Variants in PPM1H observed in about 807,000 individuals in gnomAD.
PPM1H encodes protein phosphatase, Mg2+/Mn2+ dependent 1H.
A neutral mutation model predicts 54.9 loss-of-function variants in PPM1H; 27 were observed. That is an observed-to-expected ratio of 0.49 (90% CI 0.36 to 0.68). The LOEUF is 0.68. Ranked by LOEUF, PPM1H falls within the 30% of genes least tolerant of loss-of-function variation. PPM1H has a pLI of 0.00. For synonymous variants in PPM1H, 305 were observed against 270.8 expected (o/e 1.13, Z -1.24); for missense variants, 596 against 667.8 (o/e 0.89, Z 1.19).
chr12:62,687,726 A>G (rs1335499868), intron 8 of PPM1H, among the ~76,000 whole-genome samples: 4 of 152,142 alleles, frequency 2.6e-5, no homozygotes, highest in Non-Finnish European at 4.4e-5. Context: ...GCTTAATTAC[A>G]GGCAAGCCGC....
intron 1 of PPM1H, among the ~76,000 whole-genome samples, chr12:62,926,833 A>T (rs1382007908): frequency 6.6e-6 from 1 of 152,126 alleles, no homozygotes; most frequent in Non-Finnish European, 1.5e-5. Context: ...GCATGCCTGT[A>T]ATCCCAGCTA....
chr12:62,870,608 C>G (rs530111949), intron 1 of PPM1H, among the ~76,000 whole-genome samples: 9 of 152,282 alleles, frequency 5.9e-5, no homozygotes, highest in Middle Eastern at 3.4e-3. Context: ...AAAGAAGATT[C>G]TCTGGTTTCT....
At chr12:62,728,523 G>C (rs867342772) in intron 5 of PPM1H, among the ~76,000 whole-genome samples, 3 of 152,290 alleles carry the variant, frequency 2.0e-5, no homozygotes, top group African/African-American at 7.2e-5. Flanking sequence ...AAGTCTCTGA[G>C]TACCCTGAAG....
At chr12:62,927,742 G>A (rs983677926) in intron 1 of PPM1H, among the ~76,000 whole-genome samples, 8 of 151,372 alleles carry the variant, frequency 5.3e-5, no homozygotes, top group Non-Finnish European at 8.8e-5. Context: ...CTTAAGTGAA[G>A]GAGACATGTT....
chr12:62,848,389 A>G (rs1173041465), intron 1 of PPM1H, among the ~76,000 whole-genome samples: 1 of 152,208 alleles, frequency 6.6e-6, no homozygotes, highest in African/African-American at 2.4e-5. Flanking sequence ...TTATTAAACC[A>G]CAACTTAATA....
At chr12:62,904,531 G>A (rs537846052) in intron 1 of PPM1H, among the ~76,000 whole-genome samples, 59 of 152,210 alleles carry the variant, frequency 3.9e-4, no homozygotes, top group Non-Finnish European at 6.5e-4. Flanking sequence ...TGCACCCGAC[G>A]GCTTCATGGG....
intron 1 of PPM1H, among the ~76,000 whole-genome samples, chr12:62,838,672 A>G (rs899337993): frequency 9.7e-6 from 1 of 102,622 alleles, no homozygotes; most frequent in Non-Finnish European, 2.0e-5. Context: ...CTGTAATCCC[A>G]GCACTTTGGG....
chr12:62,692,934 C>CACACAA (rs915917504), intron 7 of PPM1H, among the ~76,000 whole-genome samples: 1 of 131,202 alleles, frequency 7.6e-6, no homozygotes, highest in Non-Finnish European at 1.6e-5. Flanking sequence ...TTTGCTCTGA[C>CACACAA]ACACACACAC....
intron 4 of PPM1H, chr12:62,755,686 A>C (rs1387099249): frequency 7.0e-5 from 47 of 670,680 alleles, no homozygotes; most frequent in Non-Finnish European, 9.4e-5. Context: ...CTGTATCACC[A>C]ACTGCTTAGT....
Position 62,648,702 on chromosome 12 carries a change from G to C in PPM1H, c.1398-66C>G, listed in dbSNP as rs116016532. 1.2e-3 allele frequency: 1,867 copies of C among 1,532,744 alleles called. 22 individuals carry two copies. The African/African-American group carries it at 0.022, about 18-fold the overall frequency. 94.9% of individuals were successfully genotyped at this position (1,532,744 alleles called of 1,614,324 possible). On this transcript the variant is annotated intron_variant, in intron 9 of 9. Coordinates refer to ENST00000228705, the MANE Select transcript of PPM1H (RefSeq NM_020700.2). ...CAGACAGAAGCCAGGGTCAAGTGAG[G>C]CTGGGAAGGGGGAGGCATCACTACA...
intron 8 of PPM1H, among the ~76,000 whole-genome samples, chr12:62,682,511 G>GAT (rs2076024626): frequency 6.6e-6 from 1 of 152,096 alleles, no homozygotes; most frequent in African/African-American, 2.4e-5. Context: ...AAAAAAGTAG[G>GAT]AATTCTAAGA....
intron 1 of PPM1H, among the ~76,000 whole-genome samples, chr12:62,901,208 C>G (rs1194260873): frequency 1.3e-5 from 2 of 152,366 alleles, no homozygotes; most frequent in East Asian, 3.9e-4. Flanking sequence ...TCACTGATAC[C>G]ATATGTTCCC....
intron 2 of PPM1H, among the ~76,000 whole-genome samples, chr12:62,831,547 A>G (rs1868356895): frequency 6.6e-6 from 1 of 152,046 alleles, no homozygotes; most frequent in African/African-American, 2.4e-5. Context: ...CACAGGCTGC[A>G]AATGGATCAT....
intron 2 of PPM1H, among the ~76,000 whole-genome samples, chr12:62,828,048 A>G (rs1868309542): frequency 1.3e-5 from 2 of 152,208 alleles, no homozygotes; most frequent in South Asian, 4.1e-4. Context: ...AAGGGTGGGT[A>G]CAATCCGCTT....
intron 1 of PPM1H, among the ~76,000 whole-genome samples, chr12:62,880,010 A>G (rs1291247449): frequency 1.3e-5 from 2 of 152,168 alleles, no homozygotes; most frequent in African/African-American, 4.8e-5. Flanking sequence ...AAATTATATT[A>G]TTGAAGATCT....
rs544056785 is a variant in PPM1H at position 62,924,925 on chromosome 12, C to T, written c.245+9567G>A. ...AGGTGTGGTGGCGCATGCCTGTGGT[C>T]GCAGCTACTAGGGAGGCAGAGGCAC... On this transcript the variant is annotated intron_variant, in intron 1 of 9. Coordinates refer to ENST00000228705, the MANE Select transcript of PPM1H (RefSeq NM_020700.2). Among the ~76,000 whole-genome samples, 8 of 152,126 alleles carry T rather than the reference C, an allele frequency of 5.3e-5. No individual in the cohort carries two copies. In the East Asian group the frequency reaches 1.2e-3, roughly 22 times the overall value.
At chr12:62,763,505 C>A (rs1592586474) in intron 4 of PPM1H, among the ~76,000 whole-genome samples, 1 of 152,208 alleles carries the variant, frequency 6.6e-6, no homozygotes, top group African/African-American at 2.4e-5. Context: ...CACAACTTGA[C>A]AAAGCAGGTC....
In PPM1H at chr12:62,934,752, G is replaced by T; in HGVS notation, c.-16C>A. On this transcript the variant is annotated 5_prime_UTR_variant, in exon 1 of 10. Coordinates refer to ENST00000228705, the MANE Select transcript of PPM1H (RefSeq NM_020700.2). This position sits in a 1 kb window ranked among gnomAD's most constrained non-coding sequence, Gnocchi z 4.2. ...GAGTGAGCATATTACTCCGGCGCCC[G>T]GCTGCAGCGGTGCGAGCAGGAGGCG... 2 of 1,512,758 alleles carry T rather than the reference G, an allele frequency of 1.3e-6. No homozygotes were observed. Among genetic ancestry groups the T allele is most frequent in the Non-Finnish European group, 1.8e-6 (2 of 1,125,622 alleles). 93.7% of individuals were successfully genotyped at this position (1,512,758 alleles called of 1,614,324 possible).
chr12:62,667,611 G>A (rs1287760525), intron 8 of PPM1H, among the ~76,000 whole-genome samples: 1 of 152,184 alleles, frequency 6.6e-6, no homozygotes, highest in African/African-American at 2.4e-5. Flanking sequence ...TAATGTCTGA[G>A]GTATAGTCAG....
Sources: gnomAD v4.1 joint callset for allele counts (sites outside exome capture counted in the v4.1 genomes callset) on GRCh38, gnomAD v4.1.1 for gene constraint, Gnocchi (gnomAD v3.1) non-coding constraint, MANE v1.5 for transcripts, NCBI Gene and HGNC (gene_info 2026-07-23, HGNC 2026-07-21) for gene names.